SNTG2: variants seen among roughly 807,000 people sequenced by gnomAD.
The protein encoded by SNTG2 is gamma-2-syntrophin.
In SNTG2, 74 loss-of-function variants were observed where a neutral mutation model predicts 70.9. That is an observed-to-expected ratio of 1.04 (90% CI 0.86 to 1.27). The LOEUF (loss-of-function observed/expected upper bound fraction) is 1.27. Ranked by LOEUF, SNTG2 falls within the 50% of genes most tolerant of loss-of-function variation. The probability of loss-of-function intolerance (pLI) is 0.00; values close to 1 mark genes in which losing one functional copy is unlikely to be tolerated. For missense variants in SNTG2, 717 were observed against 690.7 expected (o/e 1.04, Z -0.43); for synonymous variants, 278 against 273.8 (o/e 1.02, Z -0.15).
intron 12 of SNTG2, among the ~76,000 whole-genome samples, chr2:1,247,747 A>C (rs571934536): frequency 3.2e-4 from 48 of 152,296 alleles, no homozygotes; most frequent in Admixed American, 3.1e-3. Context: ...TAGAGGATCA[A>C]TTATGTAGTT....
intron 1 of SNTG2, among the ~76,000 whole-genome samples, chr2:1,002,701 A>C (rs1194894038): frequency 9.9e-5 from 15 of 151,456 alleles, no homozygotes; most frequent in East Asian, 9.6e-4. Flanking sequence ...AAAAAAAAAA[A>C]AAACCTAAAA....
chr2:1,290,105 C>G (rs1439373921), intron 14 of SNTG2, among the ~76,000 whole-genome samples: 2 of 152,064 alleles, frequency 1.3e-5, no homozygotes, highest in Admixed American at 6.6e-5. Context: ...GTGTATTAGT[C>G]CATTCTCACA....
At chr2:997,743 G>A in intron 1 of SNTG2, among the ~76,000 whole-genome samples, 1 of 152,196 alleles carries the variant, frequency 6.6e-6, no homozygotes, top group East Asian at 1.9e-4. Context: ...CAGGCCACCG[G>A]GCATTCCAGA....
chr2:1,297,682 T>C (rs538401471), intron 14 of SNTG2, among the ~76,000 whole-genome samples: 1 of 152,322 alleles, frequency 6.6e-6, no homozygotes, highest in East Asian at 1.9e-4. Context: ...TTCCAGCCTT[T>C]CCCTGGAAGC....
chr2:1,055,995 G>A (rs1302816847), intron 1 of SNTG2, among the ~76,000 whole-genome samples: 1 of 151,846 alleles, frequency 6.6e-6, no homozygotes, highest in Non-Finnish European at 1.5e-5. Flanking sequence ...TGGGTCGCGG[G>A]GACTGCAGCT....
chr2:1,320,560 A>C (rs76788066), intron 16 of SNTG2, among the ~76,000 whole-genome samples: 2 of 151,934 alleles, frequency 1.3e-5, no homozygotes, highest in Non-Finnish European at 2.9e-5. Flanking sequence ...AAAGAAAGAA[A>C]AAAAGAAAAG....
chr2:1,060,351 G>A (rs75504000), intron 1 of SNTG2, among the ~76,000 whole-genome samples: 1,813 of 152,260 alleles, frequency 0.012, 36 homozygotes, highest in African/African-American at 0.041. Context: ...ATTAATACAC[G>A]TGTGTATGTG....
At chr2:1,002,289 A>C (rs1218289734) in intron 1 of SNTG2, among the ~76,000 whole-genome samples, 1 of 152,302 alleles carries the variant, frequency 6.6e-6, no homozygotes, top group East Asian at 1.9e-4. Context: ...CTGCACAGTG[A>C]AAGACAAAAT....
chr2:1,189,803 T>C (rs1672467702), intron 8 of SNTG2, among the ~76,000 whole-genome samples: 1 of 152,092 alleles, frequency 6.6e-6, no homozygotes, highest in African/African-American at 2.4e-5. Context: ...CACTTTGGCC[T>C]CCCAAAGTGC....
intron 14 of SNTG2, among the ~76,000 whole-genome samples, chr2:1,275,348 A>G (rs563036976): frequency 6.6e-6 from 1 of 152,360 alleles, no homozygotes; most frequent in Admixed American, 6.5e-5. Context: ...TGCAGTAAGC[A>G]AATCTATCAC....
At chr2:1,079,809 A>G (rs907981590) in intron 1 of SNTG2, among the ~76,000 whole-genome samples, 11 of 152,188 alleles carry the variant, frequency 7.2e-5, no homozygotes, top group African/African-American at 2.7e-4. Flanking sequence ...TTAATATCCT[A>G]TGTGAGTGTG....
In SNTG2 at chr2:1,137,905, T is replaced by C. The variant is rs533168128; in HGVS notation, c.411+96T>C. On this transcript the variant is annotated intron_variant, in intron 6 of 16. Coordinates refer to ENST00000308624, the MANE Select transcript of SNTG2 (RefSeq NM_018968.4). ...ATATTTCACTGAGTCTATCCATAGATGCAGTGTTAGAATTGGAAAGAAAGC... is the reference window on the plus strand; with the variant it reads ...ATATTTCACTGAGTCTATCCATAGACGCAGTGTTAGAATTGGAAAGAAAGC... The C allele has an allele frequency of 7.6e-6, 9 of 1,186,910 alleles. No homozygotes were observed. In the South Asian group the frequency reaches 7.6e-5, roughly 10 times the overall value. The allele number at this position is 1,186,910 out of a possible 1,614,324, so 73.5% of individuals were successfully genotyped here. A position where few individuals can be genotyped will look rare whatever the true frequency, so the allele number is the denominator to read the frequency against.
intron 16 of SNTG2, chr2:1,346,237 A>G (rs12476849): frequency 0.16 from 20,944 of 131,722 alleles, 3,376 homozygotes; most frequent in African/African-American, 0.27. Flanking sequence ...TGTTCTGGGC[A>G]CGCCTGGCCC....
intron 8 of SNTG2, among the ~76,000 whole-genome samples, chr2:1,204,071 A>G: frequency 6.6e-6 from 1 of 152,204 alleles, no homozygotes; most frequent in Non-Finnish European, 1.5e-5. Flanking sequence ...ATACCGAGTT[A>G]TAAAGCAGCA....
At chr2:1,085,589 T>C (rs1664636680) in intron 2 of SNTG2, among the ~76,000 whole-genome samples, 1 of 152,208 alleles carries the variant, frequency 6.6e-6, no homozygotes, top group Non-Finnish European at 1.5e-5. Flanking sequence ...TAGATGACCA[T>C]AAAACAAAAA....
chr2:1,231,830 A>C lies in SNTG2; in HGVS notation c.720-6058A>C, dbSNP rs577208503. On this transcript the variant is annotated intron_variant, in intron 9 of 16. Coordinates refer to ENST00000308624, the MANE Select transcript of SNTG2 (RefSeq NM_018968.4). Reference sequence around the variant, plus strand: ...TCAAACATTTACTCACAAAGCAAACACTCACGTGTGCCTACTGAGTGCCAG... The same window carrying C: ...TCAAACATTTACTCACAAAGCAAACCCTCACGTGTGCCTACTGAGTGCCAG... Among the ~76,000 whole-genome samples the C allele has an allele frequency of 2.0e-5, 3 of 152,072 alleles. No homozygotes were observed. In the East Asian group the frequency reaches 5.8e-4, roughly 29 times the overall value.
chr2:1,281,222 T>TG (rs1679501738), intron 14 of SNTG2, among the ~76,000 whole-genome samples: 4 of 143,116 alleles, frequency 2.8e-5, no homozygotes, highest in African/African-American at 5.2e-5. Context: ...TGTGTGTGTT[T>TG]GTGTTTATGT....
chr2:1,051,159 C>CCCCTTTCTTCCTCCCTCCCT (rs1243436084), intron 1 of SNTG2, among the ~76,000 whole-genome samples: 309 of 139,524 alleles, frequency 2.2e-3, no homozygotes, highest in Middle Eastern at 7.8e-3. Flanking sequence ...CCTCCCTCTC[C>CCCCTTTCTTCCTCCCTCCCT]CCCTTTCTTC....
intron 1 of SNTG2, among the ~76,000 whole-genome samples, chr2:971,543 C>CT (rs1274136475): frequency 6.6e-6 from 1 of 151,352 alleles, no homozygotes; most frequent in Non-Finnish European, 1.5e-5. Context: ...GATCTTTTCT[C>CT]TTTTTTTAAA....
Sources: allele counts gnomAD v4.1 joint callset (sites outside exome capture counted in the v4.1 genomes callset), GRCh38; gene constraint gnomAD v4.1.1; transcripts MANE v1.5; gene names NCBI Gene and HGNC (gene_info 2026-07-23, HGNC 2026-07-21).